Variants in IFT88 observed in about 807,000 individuals in gnomAD.
IFT88 encodes intraflagellar transport protein 88 homolog.
A neutral mutation model predicts 119.5 loss-of-function variants in IFT88; 74 were observed. That is an observed-to-expected ratio of 0.62 (90% CI 0.51 to 0.75). IFT88 has a LOEUF of 0.75. IFT88 is among the 30% of genes least tolerant of loss of function. IFT88 has a pLI of 0.00. For synonymous variants in IFT88, 279 were observed against 316.7 expected (o/e 0.88, Z 1.26); for missense variants, 961 against 977.7 (o/e 0.98, Z 0.23).
intron 20 of IFT88, among the ~76,000 whole-genome samples, chr13:20,646,480 T>C (rs2050775853): frequency 1.3e-5 from 2 of 151,894 alleles, no homozygotes; most frequent in African/African-American, 4.8e-5. Flanking sequence ...TTTTTGTTTT[T>C]GTTTTTGTTT....
chr13:20,615,979 TGTTG>T, intron 14 of IFT88, 100 bp downstream of exon 14: 6 of 565,190 alleles, frequency 1.1e-5, no homozygotes, highest in South Asian at 3.2e-5. Context: ...TGGATATGAA[TGTTG>T]ATTCATATTT....
chr13:20,591,210 ATTTAT>A (rs1240429928), intron 5 of IFT88, among the ~76,000 whole-genome samples, 190 bp downstream of exon 5: 2 of 152,172 alleles, frequency 1.3e-5, no homozygotes, highest in Non-Finnish European at 2.9e-5. Context: ...GTCTCTTTAG[ATTTAT>A]TTACTCAGGT....
rs186545920 is a variant in IFT88 at position 20,667,626 on chromosome 13, T to G, written c.2176-3347T>G. Among the ~76,000 whole-genome samples, 459 of 149,642 alleles carry G rather than the reference T, an allele frequency of 3.1e-3. 1 individual carries two copies. The highest frequency in any genetic ancestry group is 0.011 in the African/African-American group (437 of 40,706). ...TTTTTTGTATTTTTTTTTTTTTTAG[T>G]AGAGGCAGGGTTTCACCATGTTGGT... On this transcript the variant is annotated intron_variant, in intron 23 of 25. Transcript: ENST00000351808.
chr13:20,668,714 C>G (rs1465361807), intron 23 of IFT88, among the ~76,000 whole-genome samples: 1 of 152,170 alleles, frequency 6.6e-6, no homozygotes, highest in African/African-American at 2.4e-5. Context: ...GACCAGGGGA[C>G]ACACAGGGGG....
At chr13:20,665,628 C>T (rs1431355060) in intron 23 of IFT88, among the ~76,000 whole-genome samples, 1 of 152,080 alleles carries the variant, frequency 6.6e-6, no homozygotes, top group Non-Finnish European at 1.5e-5. Flanking sequence ...TTAAGATCAC[C>T]AGTCATTTCT....
At chr13:20,608,791 A>G (rs1350413280) in intron 13 of IFT88, among the ~76,000 whole-genome samples, 1 of 152,174 alleles carries the variant, frequency 6.6e-6, no homozygotes, top group Non-Finnish European at 1.5e-5. Context: ...AGCGATTGCA[A>G]TTAGCATCCA....
At chr13:20,567,598 G>C (rs2035142064) in intron 1 of IFT88, 1 of 345,170 alleles carries the variant, frequency 2.9e-6, no homozygotes, top group South Asian at 1.1e-4. Context: ...TTAAAACCCA[G>C]TTAGATTACT....
intron 22 of IFT88, among the ~76,000 whole-genome samples, chr13:20,659,922 G>T (rs938937487): frequency 6.6e-6 from 1 of 152,174 alleles, no homozygotes; most frequent in Non-Finnish European, 1.5e-5. Context: ...GATTACAGGC[G>T]TGAGCCACCG....
intron 15 of IFT88, among the ~76,000 whole-genome samples, chr13:20,630,344 T>C (rs2048011943): frequency 6.6e-6 from 1 of 152,204 alleles, no homozygotes; most frequent in South Asian, 2.1e-4. Flanking sequence ...AAAAAATATT[T>C]TTAGTATTTT....
intron 24 of IFT88, among the ~76,000 whole-genome samples, chr13:20,683,106 A>C (rs752713099): frequency 2.0e-5 from 3 of 152,212 alleles, no homozygotes; most frequent in Non-Finnish European, 4.4e-5. Flanking sequence ...GGAGAATTCC[A>C]GGGAGAAAAT....
At chr13:20,667,248 G>A (rs2054866408) in intron 23 of IFT88, among the ~76,000 whole-genome samples, 1 of 152,164 alleles carries the variant, frequency 6.6e-6, no homozygotes, top group Non-Finnish European at 1.5e-5. Context: ...AGGATGAGGG[G>A]AATAATTCTG....
At chr13:20,639,555 A>G (rs574227507) in intron 17 of IFT88, among the ~76,000 whole-genome samples, 2 of 152,268 alleles carry the variant, frequency 1.3e-5, no homozygotes, top group South Asian at 4.1e-4. Context: ...TTGAGAATGT[A>G]TGTTTCAAGT....
At chr13:20,636,040 C>T (rs886311351) in intron 16 of IFT88, among the ~76,000 whole-genome samples, 2 of 152,126 alleles carry the variant, frequency 1.3e-5, no homozygotes, top group Admixed American at 1.3e-4. Flanking sequence ...AAACTAGCAA[C>T]AGTCAGCACA....
intron 3 of IFT88, among the ~76,000 whole-genome samples, chr13:20,584,853 A>G (rs575683281): frequency 1.3e-5 from 2 of 152,172 alleles, no homozygotes; most frequent in Non-Finnish European, 2.9e-5. Context: ...CACCAGGGAC[A>G]TTGAGCAATG....
chr13:20,631,560 C>T (rs949699367), intron 16 of IFT88: 1 of 153,930 alleles, frequency 6.5e-6, no homozygotes, highest in African/African-American at 2.4e-5. Context: ...GTCTTTGGAA[C>T]AAAGGAGGTA....
chr13:20,575,736 A>G (rs1032436911), intron 2 of IFT88, among the ~76,000 whole-genome samples: 1 of 152,204 alleles, frequency 6.6e-6, no homozygotes, highest in African/African-American at 2.4e-5. Flanking sequence ...TTCTTTATAA[A>G]TTACCCAATC....
In IFT88 at chr13:20,691,315, T is replaced by C. The variant is rs1015180355; in HGVS notation, c.*140T>C. ...GTAAGTGTATTCTATTCTGTATGTA[T>C]GCATTTAAGTTGTTTTTTTCTTTTA... is the stretch of plus-strand genomic sequence containing the variant. On this transcript the variant is annotated 3_prime_UTR_variant, in exon 26 of 26. Coordinates refer to ENST00000351808, the MANE Select transcript of IFT88 (RefSeq NM_006531.5). 3 of 714,680 alleles carry C rather than the reference T, an allele frequency of 4.2e-6. No individual in the cohort carries two copies. The highest frequency in any genetic ancestry group is 3.6e-5 in the African/African-American group (2 of 55,454). 44.3% of individuals were successfully genotyped at this position (714,680 alleles called of 1,614,324 possible).
intron 2 of IFT88, among the ~76,000 whole-genome samples, chr13:20,578,209 T>C (rs373219684): frequency 1.3e-5 from 2 of 151,588 alleles, no homozygotes; most frequent in South Asian, 2.1e-4. Flanking sequence ...CACGCCTGGC[T>C]AATTTTTTGT....
rs1345278556 is a variant in IFT88 at position 20,589,837 on chromosome 13, A to C, written c.180A>C (p.Ala60=). ...TAACTGCTAAAATATCAAGCACGGC[A>C]GTTACTAGACCTATAGCTACTGGAT... ...PPITAKISST[A]VTRPIATGYG... The change falls in exon 4 of 26, where the codon GCA becomes GCC. Residue 60 remains alanine, a synonymous_variant. Transcript: ENST00000351808. 1.2e-6 allele frequency: 2 copies of C among 1,600,244 alleles called. No individual in the cohort carries two copies. Among genetic ancestry groups the C allele is most frequent in the African/African-American group, 1.3e-5 (1 of 74,766 alleles).
Sources: allele counts gnomAD v4.1 joint callset (sites outside exome capture counted in the v4.1 genomes callset), GRCh38; gene constraint gnomAD v4.1.1; transcripts MANE v1.5; gene names NCBI Gene and HGNC (gene_info 2026-07-23, HGNC 2026-07-21).